ZNF200: variants seen among roughly 807,000 people sequenced by gnomAD.
ZNF200 encodes the protein zinc finger protein 200.
ZNF200 carries 35 observed loss-of-function variants against 33.6 expected under a neutral mutation model. The ratio of observed to expected loss-of-function variants is 1.04; its 90% CI spans 0.80 to 1.38. The LOEUF is 1.38. Among genes scored for constraint, ZNF200 ranks in the 40% most tolerant of loss-of-function variants. The pLI, the probability that ZNF200 is intolerant of heterozygous loss-of-function variation, is 0.00. For missense variants in ZNF200, 592 were observed against 470.6 expected (o/e 1.26, Z -2.39); for synonymous variants, 209 against 167.7 (o/e 1.25, Z -1.90).
rs1309804282 is a variant in ZNF200, at chr16:3,227,234, G to GC, written c.467-2622dup. On this transcript the variant is annotated intron_variant, in intron 4 of 4. Coordinates refer to ENST00000414144, the MANE Select transcript of ZNF200 (RefSeq NM_198088.3). ...TGGGATTACAGGCGTGAGCCACCAT[G>GC]CCCCAGCCTTTTGTACGTATTTGAA... 3 of 152,342 alleles carry GC rather than the reference G, an allele frequency of 2.0e-5. No individual in the cohort carries two copies. The East Asian group carries it at 5.8e-4, about 29-fold the overall frequency. 9.4% of individuals were successfully genotyped at this position (152,342 alleles called of 1,614,324 possible). A position where few individuals can be genotyped will look rare whatever the true frequency, so the allele number is the denominator to read the frequency against.
rs943746700 is a variant in ZNF200, at chr16:3,223,552, G to C, written c.*340C>G. ...GGGGAAAACGGATATACTTTCAATA[G>C]ACACAAGTCACTCTTTGCCTTCCAA... is the stretch of plus-strand genomic sequence containing the variant. On this transcript the variant is annotated 3_prime_UTR_variant, in exon 5 of 5. Coordinates refer to ENST00000414144, the MANE Select transcript of ZNF200 (RefSeq NM_198088.3). 2 of 201,732 alleles carry C rather than the reference G, an allele frequency of 9.9e-6. No homozygotes were observed. Among genetic ancestry groups the C allele is most frequent in the African/African-American group, 4.6e-5 (2 of 43,052 alleles). The allele number at this position is 201,732 out of a possible 1,614,324, so 12.5% of individuals were successfully genotyped here.
At chr16:3,230,718 AC>A (rs1340991703) in intron 4 of ZNF200, among the ~76,000 whole-genome samples, 3 of 152,148 alleles carry the variant, frequency 2.0e-5, no homozygotes, top group Non-Finnish European at 4.4e-5. Flanking sequence ...AATTATCATC[AC>A]CTATAAATTG....
rs1436237871 is a variant in ZNF200, at chr16:3,224,117, A to T, written c.963T>A (p.Ser321=). The T allele has an allele frequency of 1.2e-6, 2 of 1,614,050 alleles. No homozygotes were observed. The highest frequency in any genetic ancestry group is 3.3e-5 in the Admixed American group (2 of 59,988). ...SQCGKNFRQN[S]HRSRHEGIHI... is the part of the protein sequence containing the mutation. ...GGATTCCTTCATGACGACTCCGATGAGAATTCTGACGGAAGTTTTTTCCAC... is the reference window on the plus strand; with the variant it reads ...GGATTCCTTCATGACGACTCCGATGTGAATTCTGACGGAAGTTTTTTCCAC... The change falls in exon 5 of 5, where the codon TCT becomes TCA. Residue 321 remains serine (S), a synonymous_variant. Coordinates refer to ENST00000414144, the MANE Select transcript of ZNF200 (RefSeq NM_198088.3).
chr16:3,231,147 G>C (rs1036067932), intron 4 of ZNF200, among the ~76,000 whole-genome samples: 2 of 152,144 alleles, frequency 1.3e-5, no homozygotes, highest in Non-Finnish European at 2.9e-5. Context: ...TGAGGATTGG[G>C]TCTTAGGGGC....
At chr16:3,226,826 C>G (rs1004563961) in intron 4 of ZNF200, 2 of 152,184 alleles carry the variant, frequency 1.3e-5, no homozygotes, top group African/African-American at 4.8e-5. Context: ...ATGCAATTAC[C>G]CTTATACAGG....
chr16:3,234,685 G>A (rs1410151717), intron 1 of ZNF200: 2 of 152,268 alleles, frequency 1.3e-5, no homozygotes, highest in Non-Finnish European at 2.9e-5. Context: ...GAGGCGGTTG[G>A]TGACTCTCCC....
Position 3,223,848 on chromosome 16 carries a change from T to C in ZNF200, c.*44A>G. 6.5e-7 allele frequency: 1 copy of C among 1,539,724 alleles called. No homozygotes were observed. Among genetic ancestry groups the C allele is most frequent in the East Asian group, 2.3e-5 (1 of 44,276 alleles). On this transcript the variant is annotated 3_prime_UTR_variant, in exon 5 of 5. Coordinates refer to ENST00000414144, the MANE Select transcript of ZNF200 (RefSeq NM_198088.3). ...AATTCAGAACTACTTATGAAAGCTC[T>C]CAGGTTGAGGCAGCACCATCAGACC...
chr16:3,234,082 G>A (rs1420424476), intron 1 of ZNF200: 5 of 199,336 alleles, frequency 2.5e-5, no homozygotes, highest in Non-Finnish European at 4.1e-5. Context: ...AGGGTGGAGC[G>A]GAGAAGGCCA....
chr16:3,228,788 CT>C (rs1348188255), intron 4 of ZNF200, among the ~76,000 whole-genome samples: 3 of 152,130 alleles, frequency 2.0e-5, no homozygotes, highest in Non-Finnish European at 4.4e-5. Context: ...CCGTGAACCA[CT>C]GTGCCCAGCA....
At chr16:3,229,621 G>A (rs908763781) in intron 4 of ZNF200, among the ~76,000 whole-genome samples, 8 of 151,944 alleles carry the variant, frequency 5.3e-5, no homozygotes, top group Non-Finnish European at 8.8e-5. Context: ...GAAAAAGAAG[G>A]TTGGGAGGCC....
chr16:3,233,461 G>A (rs370697681), intron 2 of ZNF200, 45 bp downstream of exon 2: 37 of 1,499,852 alleles, frequency 2.5e-5, no homozygotes, highest in Non-Finnish European at 3.2e-5. Context: ...TTAGACTCCA[G>A]TACCTCCTCC....
At chr16:3,230,433 GTCTT>G (rs1356616488) in intron 4 of ZNF200, among the ~76,000 whole-genome samples, 15 of 152,144 alleles carry the variant, frequency 9.9e-5, no homozygotes, top group Non-Finnish European at 1.5e-5. Context: ...TGGAATCTGA[GTCTT>G]TGTTTGTTGC....
Position 3,223,664 on chromosome 16 carries a change from T to G in ZNF200, c.*228A>C. 1.9e-6 allele frequency: 1 copy of G among 522,096 alleles called. No individual in the cohort carries two copies. The highest frequency in any genetic ancestry group is 2.0e-5 in the African/African-American group (1 of 51,242). The allele number at this position is 522,096 out of a possible 1,614,324, so 32.3% of individuals were successfully genotyped here. The stretch of plus-strand genomic sequence containing the variant: ...ATCATATAACTTCAAAAAGGAAAGC[T>G]CCTTAGTCCAAAAAGCCTAGATGCT... On this transcript the variant is annotated 3_prime_UTR_variant, in exon 5 of 5. Coordinates refer to ENST00000414144, the MANE Select transcript of ZNF200 (RefSeq NM_198088.3).
At position 3,224,468 on chromosome 16, in the gene ZNF200, T is replaced by C; in HGVS notation, c.612A>G (p.Arg204=). The C allele has an allele frequency of 6.2e-7, 1 of 1,614,230 alleles. No homozygotes were observed. Among genetic ancestry groups the C allele is most frequent in the Non-Finnish European group, 8.5e-7 (1 of 1,180,046 alleles). Reference sequence around the variant, plus strand: ...TTTTTTGTGGAATGGATGTATTTAGTCGTTCCTTTTCCTGGTTATCGGGAG... The same window carrying C: ...TTTTTTGTGGAATGGATGTATTTAGCCGTTCCTTTTCCTGGTTATCGGGAG... ...QQPPDNQEKE[R]LNTSIPQKRK... Residue 204 remains arginine, a synonymous_variant, in exon 5 of 5, where the codon CGA becomes CGG. Transcript: ENST00000414144.
Position 3,223,905 on chromosome 16 carries a change from C to A in ZNF200, c.1175G>T (p.Arg392Leu), listed in dbSNP as rs61731422. ...HEKTHSACKTRKQK is the reference protein window; with the variant it reads ...HEKTHSACKTLKQK Reference sequence around the variant, plus strand: ...GGGTTCCCAGTATTACTTCTGCTTTCGGGTCTTACAGGCTGAGTGGGTTTT... The same window carrying A: ...GGGTTCCCAGTATTACTTCTGCTTTAGGGTCTTACAGGCTGAGTGGGTTTT... The change falls in exon 5 of 5, where the codon CGA becomes CTA. Residue 392 changes from arginine to leucine, a missense_variant. By Grantham distance (102) the Arg-to-Leu change is moderately radical. Coordinates refer to ENST00000414144, the MANE Select transcript of ZNF200 (RefSeq NM_198088.3). The A allele has an allele frequency of 1.9e-6, 3 of 1,610,602 alleles. No individual in the cohort carries two copies. Among genetic ancestry groups the A allele is most frequent in the Non-Finnish European group, 2.5e-6 (3 of 1,178,256 alleles).
Position 3,233,652 on chromosome 16 carries a change from G to A in ZNF200, c.104C>T (p.Ala35Val). The change falls in exon 2 of 5, where the codon GCC becomes GTC. Residue 35 changes from alanine to valine, a missense_variant. Physicochemically the swap from Ala to Val is moderately conservative, Grantham distance 64. Coordinates refer to ENST00000414144, the MANE Select transcript of ZNF200 (RefSeq NM_198088.3). ...SKLGQDLLRDATNGPKTIHQL... is the reference protein window; with the variant it reads ...SKLGQDLLRDVTNGPKTIHQL... The stretch of plus-strand genomic sequence containing the variant: ...GTGGATGGTCTTGGGCCCGTTAGTG[G>A]CATCTCGAAGTAGGTCTTGGCCCAG... 1 of 1,613,956 alleles carries A rather than the reference G, an allele frequency of 6.2e-7. No individual in the cohort carries two copies. The highest frequency in any genetic ancestry group is 8.5e-7 in the Non-Finnish European group (1 of 1,179,990).
rs749980213 is a variant in ZNF200, at chr16:3,232,467, C to T, written c.420G>A (p.Thr140=). Residue 140 remains threonine (T), a synonymous_variant, in exon 4 of 5, where the codon ACG becomes ACA. Transcript: ENST00000414144. ...CVSLDPTQQL[T]SEKEDDSSVG... ...CACTGCTGTCATCTTCCTTCTCTGA[C>T]GTGAGTTGTTGAGTAGGATCCAAGC... 20 of 1,613,980 alleles carry T rather than the reference C, an allele frequency of 1.2e-5. No homozygotes were observed. Among genetic ancestry groups the T allele is most frequent in the South Asian group, 1.1e-4 (10 of 91,090 alleles).
Position 3,222,816 on chromosome 16 carries a change from T to C in ZNF200, c.*1076A>G, listed in dbSNP as rs930517839. 1.3e-5 allele frequency: 2 copies of C among 152,222 alleles called. No homozygotes were observed. The highest frequency in any genetic ancestry group is 2.4e-5 in the African/African-American group (1 of 41,450). 9.4% of individuals were successfully genotyped at this position (152,222 alleles called of 1,614,324 possible). On this transcript the variant is annotated 3_prime_UTR_variant, in exon 5 of 5. Coordinates refer to ENST00000414144, the MANE Select transcript of ZNF200 (RefSeq NM_198088.3). Reference sequence around the variant, plus strand: ...TGAAGACAATTAATACCCACTACAATGAAGACACCTGGAAACCTGTCTCTT... The same window carrying C: ...TGAAGACAATTAATACCCACTACAACGAAGACACCTGGAAACCTGTCTCTT...
intron 3 of ZNF200, 58 bp downstream of exon 3, chr16:3,232,761 TGTTTTTACACACAG>T (rs761171072): frequency 6.5e-7 from 1 of 1,526,838 alleles, no homozygotes; most frequent in Non-Finnish European, 9.0e-7. Context: ...CCTAAGAATG[TGTTTTTACACACAG>T]GTTGGCCAAG....
Sources: allele counts gnomAD v4.1 joint callset (sites outside exome capture counted in the v4.1 genomes callset), GRCh38; gene constraint gnomAD v4.1.1; transcripts MANE v1.5; gene names NCBI Gene and HGNC (gene_info 2026-07-23, HGNC 2026-07-21).